Variants in RNF150 observed in about 807,000 individuals in gnomAD.
RNF150 encodes ring finger protein 150.
RNF150 carries 24 observed loss-of-function variants against 39.3 expected under a neutral mutation model. That is an observed-to-expected ratio of 0.61 (90% CI 0.44 to 0.86). The LOEUF (loss-of-function observed/expected upper bound fraction) is 0.86. Among genes scored for constraint, RNF150 ranks in the 40% least tolerant of loss-of-function variants. The pLI, the probability that RNF150 is intolerant of heterozygous loss-of-function variation, is 0.00. For missense variants in RNF150, 502 were observed against 587.8 expected (o/e 0.85, Z 1.51); for synonymous variants, 255 against 227.3 (o/e 1.12, Z -1.10).
chr4:140,924,454 G>C (rs915498638), intron 5 of RNF150, among the ~76,000 whole-genome samples: 5 of 152,210 alleles, frequency 3.3e-5, no homozygotes, highest in Admixed American at 3.3e-4. Context: ...TGACCAGAGA[G>C]CAGTGGGATT....
intron 1 of RNF150, among the ~76,000 whole-genome samples, chr4:141,062,371 G>A (rs905255010): frequency 6.6e-6 from 1 of 151,856 alleles, no homozygotes; most frequent in Non-Finnish European, 1.5e-5. Context: ...ATATGTATGT[G>A]TATATATATG....
chr4:140,893,708 T>A (rs927865258), intron 6 of RNF150, among the ~76,000 whole-genome samples: 1 of 152,192 alleles, frequency 6.6e-6, no homozygotes, highest in Admixed American at 6.5e-5. Flanking sequence ...ATAAGCCAGT[T>A]GTTCTGGCGG....
intron 1 of RNF150, among the ~76,000 whole-genome samples, chr4:141,186,592 A>T (rs1220733384): frequency 2.7e-5 from 4 of 150,526 alleles, no homozygotes; most frequent in African/African-American, 9.8e-5. Context: ...TTTTTAGTAG[A>T]GACAGGGTTT....
intron 6 of RNF150, among the ~76,000 whole-genome samples, chr4:140,904,939 A>G (rs935962952): frequency 6.6e-6 from 1 of 152,236 alleles, no homozygotes; most frequent in African/African-American, 2.4e-5. Flanking sequence ...ATGCATCTTT[A>G]GGAGCAATGA....
intron 1 of RNF150, among the ~76,000 whole-genome samples, chr4:141,042,573 A>G (rs1736412300): frequency 6.6e-6 from 1 of 152,072 alleles, no homozygotes; most frequent in African/African-American, 2.4e-5. Flanking sequence ...CTATGCCCCT[A>G]AACAAACCAA....
At chr4:141,031,000 A>C (rs1391104475) in intron 1 of RNF150, among the ~76,000 whole-genome samples, 1 of 152,034 alleles carries the variant, frequency 6.6e-6, no homozygotes, top group Non-Finnish European at 1.5e-5. Flanking sequence ...ATATTTTTTA[A>C]AAAACAATCC....
At chr4:140,922,719 TG>T (rs1731209671) in intron 5 of RNF150, among the ~76,000 whole-genome samples, 1 of 151,996 alleles carries the variant, frequency 6.6e-6, no homozygotes, top group Non-Finnish European at 1.5e-5. Flanking sequence ...ACTTCAAACT[TG>T]GTTACAAGGC....
rs1481279328 is a variant in RNF150, at chr4:140,862,784, A to C, written c.*5477T>G. The C allele has an allele frequency of 1.3e-5, 2 of 152,182 alleles. No individual in the cohort carries two copies. The highest frequency in any genetic ancestry group is 6.5e-5 in the Admixed American group (1 of 15,286). 9.4% of individuals were successfully genotyped at this position (152,182 alleles called of 1,614,324 possible). A position where few individuals can be genotyped will look rare whatever the true frequency, so the allele number is the denominator to read the frequency against. ...AATTCCTTAAAAATACAAACTCCCC[A>C]AAACCCAGGTCAGCTCTAAACCTAG... On this transcript the variant is annotated 3_prime_UTR_variant, in exon 7 of 7. Coordinates refer to ENST00000515673, the MANE Select transcript of RNF150 (RefSeq NM_020724.2).
rs191556895 is a variant in RNF150 at position 140,984,622 on chromosome 4, C to A, written c.485-16749G>T. On this transcript the variant is annotated intron_variant, in intron 1 of 6. Transcript: ENST00000515673. Reference sequence around the variant, plus strand: ...GATGCTGTCCATTACACTCCCCTATCCCATACATTTTAGTGCACATTGTCT... The same window carrying A: ...GATGCTGTCCATTACACTCCCCTATACCATACATTTTAGTGCACATTGTCT... Among the ~76,000 whole-genome samples the A allele has an allele frequency of 7.2e-4, 109 of 152,240 alleles. 1 individual carries two copies. The highest frequency in any genetic ancestry group is 2.6e-3 in the African/African-American group (107 of 41,572).
intron 1 of RNF150, among the ~76,000 whole-genome samples, chr4:141,151,707 T>C (rs1256481079): frequency 3.9e-5 from 6 of 152,166 alleles, no homozygotes; most frequent in African/African-American, 1.2e-4. Context: ...AAAAATATTA[T>C]TTTGTGGCTT....
chr4:141,086,062 ACACACAC>A (rs1738352738), intron 1 of RNF150, among the ~76,000 whole-genome samples: 1 of 146,412 alleles, frequency 6.8e-6, no homozygotes, highest in Non-Finnish European at 1.5e-5. Context: ...ACACACACAC[ACACACAC>A]CCTTCTAGGT....
chr4:140,971,925 GT>G (rs1733481286), intron 1 of RNF150, among the ~76,000 whole-genome samples: 1 of 151,884 alleles, frequency 6.6e-6, no homozygotes, highest in South Asian at 2.1e-4. Flanking sequence ...CTCTCCCTGG[GT>G]TTGTTTGATC....
chr4:141,084,557 C>T (rs2110989169), intron 1 of RNF150, among the ~76,000 whole-genome samples: 1 of 152,320 alleles, frequency 6.6e-6, no homozygotes, highest in South Asian at 2.1e-4. Context: ...CCCAGCAAGT[C>T]TGCTCTCAAA....
At chr4:140,954,251 T>G (rs1732658794) in intron 2 of RNF150, among the ~76,000 whole-genome samples, 1 of 152,132 alleles carries the variant, frequency 6.6e-6, no homozygotes. Flanking sequence ...TTGTGCTCTG[T>G]CACCCAGGCT....
intron 1 of RNF150, among the ~76,000 whole-genome samples, chr4:141,183,934 T>A (rs1727955865): frequency 6.6e-6 from 1 of 152,208 alleles, no homozygotes; most frequent in African/African-American, 2.4e-5. Context: ...TGGTTCCAAG[T>A]CTTTGTTATT....
At chr4:141,210,936 T>C (rs1192880815) in intron 1 of RNF150, among the ~76,000 whole-genome samples, 1 of 152,170 alleles carries the variant, frequency 6.6e-6, no homozygotes, top group African/African-American at 2.4e-5. Context: ...GTTGACTTTG[T>C]TTTTGTGTGT....
At chr4:141,128,021 G>A (rs1726796714) in intron 1 of RNF150, among the ~76,000 whole-genome samples, 1 of 152,138 alleles carries the variant, frequency 6.6e-6, no homozygotes, top group Non-Finnish European at 1.5e-5. Flanking sequence ...AAAGGGAACT[G>A]GAACACCCTG....
intron 1 of RNF150, among the ~76,000 whole-genome samples, chr4:141,056,610 C>T (rs1736982269): frequency 6.6e-6 from 1 of 151,716 alleles, no homozygotes; most frequent in Non-Finnish European, 1.5e-5. Flanking sequence ...TAGCACATTG[C>T]TAAAATATGC....
chr4:141,160,483 G>C (rs901110129), intron 1 of RNF150, among the ~76,000 whole-genome samples: 1 of 152,170 alleles, frequency 6.6e-6, no homozygotes, highest in Non-Finnish European at 1.5e-5. Context: ...TAATCTAAAA[G>C]TATGTCAACT....
Sources: gnomAD v4.1 joint callset for allele counts (sites outside exome capture counted in the v4.1 genomes callset) on GRCh38, gnomAD v4.1.1 for gene constraint, MANE v1.5 for transcripts, NCBI Gene and HGNC (gene_info 2026-07-23, HGNC 2026-07-21) for gene names.